Variants in TBC1D19 observed in about 807,000 individuals in gnomAD.
TBC1D19 encodes the protein TBC1 domain family member 19, also known as TBC1 domain family, member 19.
Under a neutral mutation model 89.0 loss-of-function variants are expected in TBC1D19, and 60 were observed. The ratio of observed to expected loss-of-function variants is 0.67; its 90% CI spans 0.55 to 0.84. The LOEUF is 0.84. Among genes scored for constraint, TBC1D19 ranks in the 40% least tolerant of loss-of-function variants. The probability of loss-of-function intolerance (pLI) is 0.00; values close to 1 mark genes in which losing one functional copy is unlikely to be tolerated. For synonymous variants in TBC1D19, 189 were observed against 199.7 expected (o/e 0.95, Z 0.45); for missense variants, 500 against 610.8 (o/e 0.82, Z 1.91).
the TBC1D19 span, among the ~76,000 whole-genome samples, chr4:26,764,374 A>G: frequency 6.6e-6 from 1 of 152,056 alleles, no homozygotes. Context: ...TCCAGATCCC[A>G]TGGTATGGAA....
At chr4:26,834,351 C>T in the TBC1D19 span, among the ~76,000 whole-genome samples, 7 of 152,142 alleles carry the variant, frequency 4.6e-5, no homozygotes. Context: ...GCTGGTTAGG[C>T]CACAGGTGAA....
At chr4:26,844,981 A>C in the TBC1D19 span, among the ~76,000 whole-genome samples, 2 of 152,220 alleles carry the variant, frequency 1.3e-5, no homozygotes, top group Non-Finnish European at 2.9e-5. Flanking sequence ...TATATATACA[A>C]GTCTTATCCT....
chr4:26,584,088 T>A lies in TBC1D19; in HGVS notation c.-106T>A. ...AACGCCCGCTGGAGGAGTCCCAGTG[T>A]AATAAGGTCCCGGAGAAGTGTCACT... On this transcript the variant is annotated 5_prime_UTR_variant, in exon 1 of 21. Coordinates refer to ENST00000264866, the MANE Select transcript of TBC1D19 (RefSeq NM_018317.4). 8.9e-7 allele frequency: 1 copy of A among 1,122,222 alleles called. No homozygotes were observed. The highest frequency in any genetic ancestry group is 1.5e-5 in the African/African-American group (1 of 64,976). The allele number at this position is 1,122,222 out of a possible 1,614,324, so 69.5% of individuals were successfully genotyped here.
chr4:26,587,317 C>G (rs1560397549), intron 1 of TBC1D19, among the ~76,000 whole-genome samples: 1 of 152,094 alleles, frequency 6.6e-6, no homozygotes, highest in Non-Finnish European at 1.5e-5. Context: ...ATGGCTCATG[C>G]CTGTAATCCT....
chr4:26,650,105 A>T (rs2430501), intron 7 of TBC1D19, among the ~76,000 whole-genome samples: 131,976 of 152,030 alleles, frequency 0.87, 60,191 homozygotes, highest in Non-Finnish European at 1. Context: ...CTTAATCCAG[A>T]CTACCATTGT....
chr4:26,640,575 C>T (rs961345379), intron 7 of TBC1D19, among the ~76,000 whole-genome samples: 5 of 152,038 alleles, frequency 3.3e-5, no homozygotes, highest in Admixed American at 6.5e-5. Flanking sequence ...GTGCAGCCCA[C>T]GGAGGGTGAG....
chr4:26,653,285 C>T (rs1744538034), intron 7 of TBC1D19, among the ~76,000 whole-genome samples: 1 of 152,112 alleles, frequency 6.6e-6, no homozygotes. Flanking sequence ...GCTTTGCTTC[C>T]AACTATGTGA....
chr4:26,823,905 A>G, the TBC1D19 span, among the ~76,000 whole-genome samples: 113 of 152,222 alleles, frequency 7.4e-4, no homozygotes, highest in Non-Finnish European at 1.4e-3. Flanking sequence ...TTCCTTCTTT[A>G]TACAGAACCC....
intron 13 of TBC1D19, among the ~76,000 whole-genome samples, chr4:26,703,885 A>C (rs1432560598): frequency 7.0e-6 from 1 of 142,196 alleles, no homozygotes; most frequent in Admixed American, 7.5e-5. Flanking sequence ...GGCGTGAACC[A>C]GGGAGGTGGA....
At chr4:26,697,057 A>G (rs1190060420) in intron 13 of TBC1D19, among the ~76,000 whole-genome samples, 1 of 152,208 alleles carries the variant, frequency 6.6e-6, no homozygotes, top group Non-Finnish European at 1.5e-5. Context: ...TCAGAAATCA[A>G]TGAATCCAGG....
chr4:26,656,389 A>G (rs1403973430), intron 7 of TBC1D19, among the ~76,000 whole-genome samples: 1 of 152,040 alleles, frequency 6.6e-6, no homozygotes, highest in Non-Finnish European at 1.5e-5. Context: ...AATTCCTTCT[A>G]ATGAGTTATT....
At chr4:26,672,792 A>C (rs1712434855) in intron 10 of TBC1D19, among the ~76,000 whole-genome samples, 1 of 151,964 alleles carries the variant, frequency 6.6e-6, no homozygotes, top group Admixed American at 6.6e-5. Flanking sequence ...CCAAATCCCT[A>C]CTTCAATTTT....
At chr4:26,581,226 A>T (rs556638423), upstream of TBC1D19, among the ~76,000 whole-genome samples, 2 of 152,116 alleles carry the variant, frequency 1.3e-5, no homozygotes, top group East Asian at 3.9e-4. Flanking sequence ...TATTTACTAT[A>T]CTCTAAGTTC....
At chr4:26,654,363 C>A (rs906766517) in intron 7 of TBC1D19, among the ~76,000 whole-genome samples, 4 of 152,100 alleles carry the variant, frequency 2.6e-5, no homozygotes, top group African/African-American at 4.8e-5. Flanking sequence ...TGGAGTTGCT[C>A]TTCTCGAGGA....
chr4:26,778,468 G>T, the TBC1D19 span, among the ~76,000 whole-genome samples: 1 of 143,852 alleles, frequency 7.0e-6, no homozygotes, highest in Non-Finnish European at 1.5e-5. Context: ...AGGGAAGGGG[G>T]AAGGGAAGAA....
the TBC1D19 span, among the ~76,000 whole-genome samples, chr4:26,852,809 C>T: frequency 0.011 from 1,602 of 152,186 alleles, 31 homozygotes; most frequent in African/African-American, 0.036. Context: ...TTAGTAGAGA[C>T]GGGGTTTCAC....
chr4:26,720,371 C>A (rs896116912), intron 15 of TBC1D19, among the ~76,000 whole-genome samples: 2 of 152,148 alleles, frequency 1.3e-5, no homozygotes, highest in African/African-American at 4.8e-5. Context: ...ATGCTTAGAT[C>A]TAAGTCCAAG....
chr4:26,807,484 G>A, the TBC1D19 span, among the ~76,000 whole-genome samples: 1 of 152,194 alleles, frequency 6.6e-6, no homozygotes, highest in African/African-American at 2.4e-5. Flanking sequence ...CCAAATGGTG[G>A]TTATTTATAT....
chr4:26,640,865 T>G (rs1432832586), intron 7 of TBC1D19, among the ~76,000 whole-genome samples: 2 of 152,192 alleles, frequency 1.3e-5, no homozygotes, highest in Non-Finnish European at 2.9e-5. Context: ...CCGCCATAGT[T>G]GAGGCTTGAG....
Sources: gnomAD v4.1 joint callset for allele counts (sites outside exome capture counted in the v4.1 genomes callset) on GRCh38, gnomAD v4.1.1 for gene constraint, MANE v1.5 for transcripts, NCBI Gene and HGNC (gene_info 2026-07-23, HGNC 2026-07-21) for gene names.